Variants in BPNT1 observed in about 807,000 individuals in gnomAD.
BPNT1 encodes 3'(2'), 5'-bisphosphate nucleotidase 1.
In BPNT1, 28 loss-of-function variants were observed where a neutral mutation model predicts 36.9. The observed-to-expected ratio is 0.76, with a 90% CI of 0.56 to 1.04. The LOEUF is 1.04. BPNT1 is among the 50% of genes least tolerant of loss of function. The pLI is 0.00. For synonymous variants in BPNT1, 119 were observed against 130.9 expected, an observed-to-expected ratio of 0.91 and a Z score of 0.62; for missense variants, 313 against 372.9, an observed-to-expected ratio of 0.84 and a Z score of 1.32.
intron 6 of BPNT1, chr1:220,066,214 T>C: frequency 1.4e-6 from 1 of 729,446 alleles, no homozygotes; most frequent in South Asian, 2.7e-5. Context: ...AAAGGTACCG[T>C]GCATTACAAT....
In BPNT1 at chr1:220,078,377, A is replaced by G. The variant is rs915988947; in HGVS notation, c.120+1350T>C. Among the ~76,000 whole-genome samples, 30 of 143,864 alleles carry G rather than the reference A, an allele frequency of 2.1e-4. No homozygotes were observed. In the Admixed American group the frequency reaches 2.1e-3, roughly 10 times the overall value. The allele number at this position is 143,864 out of a possible 152,430, so 94.4% of individuals were successfully genotyped here. A position where few individuals can be genotyped will look rare whatever the true frequency, so the allele number is the denominator to read the frequency against. ...ATAATAACAAATATAACTATTAATTATATAGAATTATTATAATTATATATA... is the reference window on the plus strand; with the variant it reads ...ATAATAACAAATATAACTATTAATTGTATAGAATTATTATAATTATATATA... On this transcript the variant is annotated intron_variant, in intron 2 of 8. Transcript: ENST00000322067.
chr1:220,089,401 A>G (rs148297644), intron 1 of BPNT1, among the ~76,000 whole-genome samples: 51 of 152,336 alleles, frequency 3.3e-4, no homozygotes, highest in African/African-American at 1.2e-3. Flanking sequence ...GTTTAAAGAA[A>G]TTTAATTTTA....
At position 220,058,663 on chromosome 1, in the gene BPNT1, C is replaced by A; in HGVS notation, c.*181G>T. On this transcript the variant is annotated 3_prime_UTR_variant, in exon 9 of 9. Coordinates refer to ENST00000322067, the MANE Select transcript of BPNT1 (RefSeq NM_006085.6). ...TCTTCTGCTTCAGCCTCTCAAGTAG[C>A]TGGGATGACAGGCGCATGACAGGAT... The A allele has an allele frequency of 1.3e-6, 1 of 760,856 alleles. No homozygotes were observed. Among genetic ancestry groups the A allele is most frequent in the Non-Finnish European group, 1.9e-6 (1 of 519,588 alleles). The allele number at this position is 760,856 out of a possible 1,614,324, so 47.1% of individuals were successfully genotyped here. A position where few individuals can be genotyped will look rare whatever the true frequency, so the allele number is the denominator to read the frequency against.
rs749112003 is a variant in BPNT1 at position 220,073,999 on chromosome 1, T to C, written c.193A>G (p.Lys65Glu). The C allele has an allele frequency of 7.2e-5, 117 of 1,614,028 alleles. No homozygotes were observed. The highest frequency in any genetic ancestry group is 8.7e-5 in the Non-Finnish European group (103 of 1,180,034). The change falls in exon 3 of 9, where the codon AAA (lysine) becomes GAA (glutamate). Residue 65 changes from lysine (K) to glutamate (E), a missense_variant. Lys to Glu is a moderately conservative substitution (Grantham distance 56). Coordinates refer to ENST00000322067, the MANE Select transcript of BPNT1 (RefSeq NM_006085.6). The part of the protein sequence containing the change: ...QMSICSSLAR[K>E]FPKLTIIGEE... ...CCTATAATTGTGAGTTTGGGGAATTTCCGGGCCAATGAAGAACATATGCTC... is the reference window on the plus strand; with the variant it reads ...CCTATAATTGTGAGTTTGGGGAATTCCCGGGCCAATGAAGAACATATGCTC...
Position 220,057,913 on chromosome 1 carries a change from C to G in BPNT1, c.*931G>C. On this transcript the variant is annotated 3_prime_UTR_variant, in exon 9 of 9. Coordinates refer to ENST00000322067, the MANE Select transcript of BPNT1 (RefSeq NM_006085.6). The stretch of plus-strand genomic sequence containing the variant: ...CTGGTTTAGGCCAGGTGCGGTGGCT[C>G]ACACCTGTAATCCCAGCACTTTGGG... 5.5e-6 allele frequency: 7 copies of G among 1,281,780 alleles called. No homozygotes were observed. Among genetic ancestry groups the G allele is most frequent in the Non-Finnish European group, 7.2e-6 (7 of 971,312 alleles). The allele number at this position is 1,281,780 out of a possible 1,614,324, so 79.4% of individuals were successfully genotyped here.
intron 5 of BPNT1, among the ~76,000 whole-genome samples, chr1:220,069,005 T>C (rs921941829): frequency 6.6e-6 from 1 of 151,954 alleles, no homozygotes. Context: ...GGAGAGTGAA[T>C]GGGGAGGGCA....
Position 220,072,889 on chromosome 1 carries a change from T to G in BPNT1, c.294A>C (p.Gln98His). 1 of 1,614,184 alleles carries G rather than the reference T, an allele frequency of 6.2e-7. No homozygotes were observed. Among genetic ancestry groups the G allele is most frequent in the East Asian group, 2.2e-5 (1 of 44,874 alleles). ...TAGCACTGTACTGCGATGGGCATGG[T>G]TGCTTCAGTATTTCTTCCCACTGAC... ...EDSQWEEILK[Q>H]PCPSQYSAIK... is the part of the protein sequence containing the mutation. Residue 98 changes from glutamine (Q) to histidine (H), a missense_variant, in exon 4 of 9, where the codon CAA becomes CAC. Coordinates refer to ENST00000322067, the MANE Select transcript of BPNT1 (RefSeq NM_006085.6).
At chr1:220,059,034 T>C (rs1363693503) in intron 8 of BPNT1, 42 bp from the exon 9 acceptor site, 7 of 1,603,768 alleles carry the variant, frequency 4.4e-6, no homozygotes, top group Non-Finnish European at 5.1e-6. Context: ...TAGTGGCTAA[T>C]TGGATTGTGG....
intron 6 of BPNT1, among the ~76,000 whole-genome samples, chr1:220,065,892 C>G (rs560132237): frequency 9.2e-5 from 14 of 152,056 alleles, no homozygotes; most frequent in Non-Finnish European, 1.3e-4. Context: ...GCAAGAGAAG[C>G]AAGAGAAAGG....
intron 1 of BPNT1, among the ~76,000 whole-genome samples, chr1:220,088,478 CAAAAA>C (rs58383315): frequency 3.2e-4 from 21 of 65,534 alleles, no homozygotes; most frequent in South Asian, 1.7e-3. Context: ...GACTCCGACT[CAAAAA>C]AAAAAAAAAA....
intron 1 of BPNT1, among the ~76,000 whole-genome samples, chr1:220,082,359 T>G (rs1655260411): frequency 6.6e-6 from 1 of 151,438 alleles, no homozygotes; most frequent in Non-Finnish European, 1.5e-5. Flanking sequence ...TTTTGTATTT[T>G]TAGTAGAGAC....
intron 3 of BPNT1, among the ~76,000 whole-genome samples, chr1:220,073,237 A>G (rs1244790114): frequency 3.3e-5 from 5 of 152,164 alleles, no homozygotes; most frequent in African/African-American, 1.2e-4. Context: ...AGTGTCTCTG[A>G]CAGCAGATAG....
intron 2 of BPNT1, among the ~76,000 whole-genome samples, chr1:220,076,227 C>T (rs113817693): frequency 0.015 from 2,320 of 152,032 alleles, 57 homozygotes; most frequent in African/African-American, 0.053. Flanking sequence ...TTAGCCCAGG[C>T]GTGGTGGCTC....
rs1341524490 is a variant in BPNT1 at position 220,079,747 on chromosome 1, C to T, written c.100G>A (p.Asp34Asn). Residue 34 changes from aspartate (D) to asparagine (N), a missense_variant, in exon 2 of 9, where the codon GAC (aspartate) becomes AAC (asparagine). By Grantham distance (23) the Asp-to-Asn change is conservative. Transcript: ENST00000322067. ...AGTACCTTCTCCACAATACCCAGGTCTCCTTCAGCAATAACACGTCTGACT... is the reference window on the plus strand; with the variant it reads ...AGTACCTTCTCCACAATACCCAGGTTTCCTTCAGCAATAACACGTCTGACT... Reference protein sequence around the residue: ...MIVRRVIAEGDLGIVEKTCAT... With the variant: ...MIVRRVIAEGNLGIVEKTCAT... The T allele has an allele frequency of 6.2e-7, 1 of 1,614,118 alleles. No individual in the cohort carries two copies. Among genetic ancestry groups the T allele is most frequent in the Admixed American group, 1.7e-5 (1 of 60,008 alleles).
At chr1:220,064,675 C>G (rs376774544) in intron 6 of BPNT1, among the ~76,000 whole-genome samples, 1 of 152,086 alleles carries the variant, frequency 6.6e-6, no homozygotes, top group Non-Finnish European at 1.5e-5. Context: ...CCAGAAGAGT[C>G]TGATGGCATA....
intron 5 of BPNT1, 47 bp from the exon 6 acceptor site, chr1:220,067,440 G>C: frequency 7.4e-7 from 1 of 1,345,020 alleles, no homozygotes; most frequent in African/African-American, 1.5e-5. Flanking sequence ...CTCATATTAT[G>C]ACTCATCATT....
rs567257978 is a variant in BPNT1 at position 220,063,251 on chromosome 1, G to C, written c.475-297C>G. Among the ~76,000 whole-genome samples the C allele has an allele frequency of 5.9e-5, 9 of 152,284 alleles. 1 individual carries two copies. In the East Asian group the frequency reaches 1.5e-3, roughly 26 times the overall value. On this transcript the variant is annotated intron_variant, in intron 6 of 8. Coordinates refer to ENST00000322067, the MANE Select transcript of BPNT1 (RefSeq NM_006085.6). ...TAGTCCCAGCTACTTGGGAGGCTGA[G>C]GCAGGAGAATGGCGTGAACCTGGGA... is the stretch of plus-strand genomic sequence containing the variant.
intron 5 of BPNT1, among the ~76,000 whole-genome samples, chr1:220,068,663 T>C (rs1037418401): frequency 6.6e-6 from 1 of 151,850 alleles, no homozygotes; most frequent in Non-Finnish European, 1.5e-5. Flanking sequence ...ATACAAAAAT[T>C]AGCTGGGCGT....
chr1:220,083,222 G>C (rs1477537590), intron 1 of BPNT1, among the ~76,000 whole-genome samples: 2 of 143,542 alleles, frequency 1.4e-5, no homozygotes, highest in Non-Finnish European at 3.0e-5. Flanking sequence ...GGGCGACAGA[G>C]CAAGACTCCA....
Sources: gnomAD v4.1 joint callset for allele counts (sites outside exome capture counted in the v4.1 genomes callset) on GRCh38, gnomAD v4.1.1 for gene constraint, MANE v1.5 for transcripts, NCBI Gene and HGNC (gene_info 2026-07-23, HGNC 2026-07-21) for gene names.